Variants in GMDS observed in about 807,000 individuals in gnomAD.
The protein encoded by GMDS is GDP-mannose 4,6-dehydratase.
A neutral mutation model predicts 49.9 loss-of-function variants in GMDS; 20 were observed. That is an observed-to-expected ratio of 0.40 (90% CI 0.28 to 0.58). The LOEUF is 0.58. Ranked by LOEUF, GMDS falls within the 20% of genes least tolerant of loss-of-function variation. GMDS has a pLI of 0.42. For missense variants in GMDS, 362 were observed against 481.4 expected, an observed-to-expected ratio of 0.75 and a Z score of 2.32; for synonymous variants, 177 against 178.6, an observed-to-expected ratio of 0.99 and a Z score of 0.07.
At chr6:2,013,203 C>G (rs1767666757) in intron 4 of GMDS, among the ~76,000 whole-genome samples, 1 of 152,156 alleles carries the variant, frequency 6.6e-6, no homozygotes, top group Admixed American at 6.5e-5. Flanking sequence ...GGAAATAGTT[C>G]TCAAGGTATC....
intron 4 of GMDS, among the ~76,000 whole-genome samples, chr6:2,041,596 C>G (rs1370025658): frequency 6.6e-6 from 1 of 152,180 alleles, no homozygotes. Context: ...GATCCTCACC[C>G]TCCCATCCTG....
intron 9 of GMDS, among the ~76,000 whole-genome samples, chr6:1,650,606 C>T (rs1763621196): frequency 6.6e-6 from 1 of 152,270 alleles, no homozygotes; most frequent in African/African-American, 2.4e-5. Flanking sequence ...TATAGGGTCT[C>T]GCTCTGTCAC....
chr6:2,149,251 T>C (rs945950923), intron 1 of GMDS, among the ~76,000 whole-genome samples: 25 of 152,144 alleles, frequency 1.6e-4, no homozygotes, highest in African/African-American at 5.3e-4. Context: ...GAACAGCCAG[T>C]GGTTTGATTT....
chr6:1,711,289 G>A (rs1037369889), intron 9 of GMDS, among the ~76,000 whole-genome samples: 1 of 152,212 alleles, frequency 6.6e-6, no homozygotes, highest in Non-Finnish European at 1.5e-5. Flanking sequence ...AGAGTCCTAC[G>A]TTTCCAGGGT....
chr6:1,930,471 G>A, intron 6 of GMDS: 1 of 363,852 alleles, frequency 2.7e-6, no homozygotes, highest in Non-Finnish European at 4.9e-6. Flanking sequence ...TTTTTCTTTG[G>A]GGGACATCTT....
intron 7 of GMDS, among the ~76,000 whole-genome samples, chr6:1,824,270 C>T (rs1771015423): frequency 6.6e-6 from 1 of 152,172 alleles, no homozygotes; most frequent in South Asian, 2.1e-4. Flanking sequence ...GTCACATTCT[C>T]TGCAAATGCA....
intron 7 of GMDS, among the ~76,000 whole-genome samples, chr6:1,897,981 GGCCTCCCTT>G (rs1224453520): frequency 2.9e-4 from 37 of 127,362 alleles, no homozygotes; most frequent in Middle Eastern, 4.2e-3. Flanking sequence ...CACCTACCCT[GGCCTCCCTT>G]GCCATCCTGG....
intron 9 of GMDS, among the ~76,000 whole-genome samples, chr6:1,724,163 G>A (rs75912389): frequency 1.2e-3 from 183 of 152,274 alleles, no homozygotes; most frequent in Admixed American, 4.6e-3. Flanking sequence ...AAGATAAAAC[G>A]TAGTTCAAGA....
At position 2,046,850 on chromosome 6, in the gene GMDS, T is replaced by C. The variant is rs367922152; in HGVS notation, c.345+68921A>G. 2.0e-5 allele frequency among the ~76,000 whole-genome samples: 3 copies of C among 152,238 alleles called. No homozygotes were observed. In the South Asian group the frequency reaches 6.2e-4, roughly 32 times the overall value. ...TAAAGTAACATTAATTTGCTCATTTTCTGACACATTTTTCAAACTGTTGGG... is the reference window on the plus strand; with the variant it reads ...TAAAGTAACATTAATTTGCTCATTTCCTGACACATTTTTCAAACTGTTGGG... On this transcript the variant is annotated intron_variant, in intron 4 of 10. Transcript: ENST00000380815.
chr6:1,709,362 G>A (rs1160457770), intron 9 of GMDS, among the ~76,000 whole-genome samples: 1 of 152,234 alleles, frequency 6.6e-6, no homozygotes, highest in Non-Finnish European at 1.5e-5. Context: ...GGGGAGCACG[G>A]CCTGGAAACT....
chr6:1,862,466 A>G (rs1383699865), intron 7 of GMDS, among the ~76,000 whole-genome samples: 1 of 152,232 alleles, frequency 6.6e-6, no homozygotes, highest in Non-Finnish European at 1.5e-5. Context: ...GCAGCTTATC[A>G]AGCTATCAAA....
intron 4 of GMDS, among the ~76,000 whole-genome samples, chr6:2,017,757 CAT>C (rs754906234): frequency 4.6e-5 from 7 of 152,098 alleles, no homozygotes; most frequent in African/African-American, 7.2e-5. Context: ...ATATATATTT[CAT>C]ATGTTATATG....
At chr6:1,857,919 G>T (rs188306885) in intron 7 of GMDS, among the ~76,000 whole-genome samples, 140 of 152,266 alleles carry the variant, frequency 9.2e-4, no homozygotes, top group Admixed American at 2.3e-3. Context: ...GCCATTCTAA[G>T]ATAAAGAACT....
chr6:2,181,956 GGCTGAAAGGTA>G (rs1418548668), intron 1 of GMDS, among the ~76,000 whole-genome samples: 1 of 152,178 alleles, frequency 6.6e-6, no homozygotes, highest in Non-Finnish European at 1.5e-5. Context: ...AGTCAAGACC[GGCTGAAAGGTA>G]GCCTCTTGCA....
intron 1 of GMDS, among the ~76,000 whole-genome samples, chr6:2,149,741 T>G (rs746891774): frequency 6.6e-6 from 1 of 152,180 alleles, no homozygotes; most frequent in African/African-American, 2.4e-5. Flanking sequence ...CGCCTCCAGC[T>G]TTCCCTTCTT....
chr6:1,821,932 G>A (rs751382831), intron 7 of GMDS, among the ~76,000 whole-genome samples: 9 of 152,016 alleles, frequency 5.9e-5, no homozygotes, highest in East Asian at 1.9e-4. Context: ...GAAGTGTGTC[G>A]TGGTAACGTT....
chr6:2,202,356 T>C (rs958003013), intron 1 of GMDS, among the ~76,000 whole-genome samples: 4 of 151,350 alleles, frequency 2.6e-5, no homozygotes, highest in Admixed American at 6.6e-5. Context: ...GATGAAACCA[T>C]CTAGGCAGTG....
chr6:1,992,336 A>T (rs1765999781), intron 4 of GMDS, among the ~76,000 whole-genome samples: 1 of 151,690 alleles, frequency 6.6e-6, no homozygotes, highest in African/African-American at 2.4e-5. Flanking sequence ...CATGGCCACC[A>T]CCTCACCTGA....
rs1769425393 is a variant in GMDS at position 1,789,083 on chromosome 6, C to A, written c.772-46497G>T. ...TCAGGACACAATAGTCATGTAATGA[C>A]AGTGTTATTAGAAAGGATACAACTC... On this transcript the variant is annotated intron_variant, in intron 7 of 10. Transcript: ENST00000380815. 1.3e-5 allele frequency among the ~76,000 whole-genome samples: 2 copies of A among 152,176 alleles called. 1 individual carries two copies. The highest frequency in any genetic ancestry group is 4.1e-4 in the South Asian group (2 of 4,826).
Sources: gnomAD v4.1 joint callset for allele counts (sites outside exome capture counted in the v4.1 genomes callset) on GRCh38, gnomAD v4.1.1 for gene constraint, MANE v1.5 for transcripts, NCBI Gene and HGNC (gene_info 2026-07-23, HGNC 2026-07-21) for gene names.